The following NLGN1 variants were observed in gnomAD, a reference collection of about 807,000 sequenced individuals.
NLGN1 encodes the protein neuroligin-1.
Under a neutral mutation model 65.5 loss-of-function variants are expected in NLGN1, and 12 were observed. The observed-to-expected ratio is 0.18, with a 90% CI of 0.12 to 0.30. NLGN1 has a LOEUF of 0.30. Ranked by LOEUF, NLGN1 falls within the 10% of genes least tolerant of loss-of-function variation. The probability of loss-of-function intolerance (pLI) is 1.00; values close to 1 mark genes in which losing one functional copy is unlikely to be tolerated. For missense variants in NLGN1, 750 were observed against 1,007.1 expected, an observed-to-expected ratio of 0.74 and a Z score of 3.46; for synonymous variants, 350 against 359.5, an observed-to-expected ratio of 0.97 and a Z score of 0.30.
Position 173,475,342 on chromosome 3 carries a change from G to T in NLGN1, c.-321+40264G>T, listed in dbSNP as rs912939797. On this transcript the variant is annotated intron_variant, in intron 2 of 6. Transcript: ENST00000457714. ...TTCTGATTATCAAAATCCTTTAAAA[G>T]AAATAATAACTATATAGTCTCTCTG... Among the ~76,000 whole-genome samples, 6 of 151,972 alleles carry T rather than the reference G, an allele frequency of 3.9e-5. No individual in the cohort carries two copies. In the South Asian group the frequency reaches 6.2e-4, roughly 16 times the overall value.
intron 2 of NLGN1, among the ~76,000 whole-genome samples, chr3:173,465,246 A>G (rs1278473915): frequency 1.3e-5 from 2 of 152,206 alleles, no homozygotes; most frequent in Non-Finnish European, 2.9e-5. Context: ...TGTAGACAAG[A>G]GCCAACACTG....
At chr3:173,595,595 A>C (rs147857486) in intron 2 of NLGN1, among the ~76,000 whole-genome samples, 4,238 of 152,198 alleles carry the variant, frequency 0.028, 89 homozygotes, top group Middle Eastern at 0.041. Context: ...AGTTGCTTCC[A>C]CATTTTTGGG....
chr3:173,674,722 G>T (rs1762897072), intron 3 of NLGN1, among the ~76,000 whole-genome samples: 1 of 152,002 alleles, frequency 6.6e-6, no homozygotes, highest in Non-Finnish European at 1.5e-5. Context: ...AAAATTTTGA[G>T]TGGAGAGACA....
intron 4 of NLGN1, 73 bp downstream of exon 4, chr3:173,807,905 G>A: frequency 6.8e-7 from 1 of 1,473,016 alleles, no homozygotes; most frequent in Non-Finnish European, 9.5e-7. Context: ...GACTTGTTTT[G>A]TTCTGCTTTG....
intron 2 of NLGN1, among the ~76,000 whole-genome samples, chr3:173,454,247 G>A (rs1722132624): frequency 6.6e-6 from 1 of 152,136 alleles, no homozygotes; most frequent in Non-Finnish European, 1.5e-5. Flanking sequence ...ATAGAGCATG[G>A]GCAAGTAGAT....
intron 4 of NLGN1, among the ~76,000 whole-genome samples, chr3:174,079,202 A>T (rs770690848): frequency 9.9e-5 from 15 of 152,100 alleles, no homozygotes; most frequent in Non-Finnish European, 2.2e-4. Context: ...GAAAAAAAAA[A>T]CTTTCCCATT....
chr3:173,494,467 A>C (rs1729691770), intron 2 of NLGN1, among the ~76,000 whole-genome samples: 1 of 151,640 alleles, frequency 6.6e-6, no homozygotes, highest in African/African-American at 2.4e-5. Context: ...TATTTTTATA[A>C]ATAGCATCTC....
chr3:174,280,537 G>A lies in NLGN1; in HGVS notation c.1706G>A (p.Arg569His), dbSNP rs769241191. 4.0e-5 allele frequency: 64 copies of A among 1,612,794 alleles called. No homozygotes were observed. The highest frequency in any genetic ancestry group is 1.6e-4 in the East Asian group (7 of 44,814). ...AAATTCATTCATACCAAACCCAACC[G>A]TTTTGAAGAAGTAGCATGGACCAGA... Residue 569 changes from arginine to histidine, a missense_variant, in exon 7 of 7, where the codon CGT becomes CAT. Coordinates refer to ENST00000457714, the Ensembl canonical transcript of NLGN1. The surrounding 1 kb of genome is among the most constrained non-coding windows in gnomAD (Gnocchi z 4.9).
chr3:173,854,291 A>G (rs909957339), intron 4 of NLGN1, among the ~76,000 whole-genome samples: 1 of 152,016 alleles, frequency 6.6e-6, no homozygotes, highest in Non-Finnish European at 1.5e-5. Flanking sequence ...TTGTTGTCCT[A>G]TTGCTACTCT....
intron 3 of NLGN1, among the ~76,000 whole-genome samples, chr3:173,671,970 C>T (rs540888059): frequency 3.3e-5 from 5 of 151,562 alleles, no homozygotes; most frequent in South Asian, 2.1e-4. Context: ...GTCAGGAGAT[C>T]GAGACCATCC....
intron 3 of NLGN1, among the ~76,000 whole-genome samples, chr3:173,627,247 C>T (rs1183092982): frequency 2.0e-5 from 3 of 152,104 alleles, no homozygotes; most frequent in Non-Finnish European, 4.4e-5. Flanking sequence ...CCATTTGACT[C>T]TGTGCTTTAC....
At chr3:174,115,889 C>A (rs1211410184) in intron 4 of NLGN1, among the ~76,000 whole-genome samples, 1 of 152,172 alleles carries the variant, frequency 6.6e-6, no homozygotes, top group Non-Finnish European at 1.5e-5. Flanking sequence ...GTGGTCACCT[C>A]AAGCACTAAG....
chr3:173,431,864 G>A (rs73883134), intron 1 of NLGN1, among the ~76,000 whole-genome samples: 1 of 152,012 alleles, frequency 6.6e-6, no homozygotes, highest in Non-Finnish European at 1.5e-5. Context: ...ATCCTCTAGG[G>A]CTCTATGGTC....
At chr3:173,719,886 G>A (rs544473636) in intron 3 of NLGN1, among the ~76,000 whole-genome samples, 6 of 152,212 alleles carry the variant, frequency 3.9e-5, no homozygotes, top group African/African-American at 1.4e-4. Context: ...AGCCAGAGGT[G>A]GAAGGATTGC....
intron 3 of NLGN1, among the ~76,000 whole-genome samples, chr3:173,691,855 GA>G (rs1426549962): frequency 6.6e-6 from 1 of 151,520 alleles, no homozygotes; most frequent in African/African-American, 2.4e-5. Flanking sequence ...AAGATTTTTG[GA>G]AAAAAAATAT....
At chr3:173,957,962 C>A (rs558274793) in intron 4 of NLGN1, among the ~76,000 whole-genome samples, 2 of 152,298 alleles carry the variant, frequency 1.3e-5, no homozygotes, top group South Asian at 4.1e-4. Context: ...CCAGCCACTG[C>A]ACACAGCCAG....
intron 3 of NLGN1, among the ~76,000 whole-genome samples, chr3:173,650,297 T>A (rs1271781876): frequency 1.3e-5 from 2 of 152,168 alleles, no homozygotes; most frequent in Non-Finnish European, 2.9e-5. Flanking sequence ...TTCCAAATGA[T>A]GGCACAATGA....
rs1366306439 is a variant in NLGN1, at chr3:174,279,408, T to C, written c.1407T>C (p.Ala469=). The change falls in exon 6 of 7, where the codon GCT becomes GCC. Residue 469 remains alanine, a synonymous_variant. Coordinates refer to ENST00000457714, the Ensembl canonical transcript of NLGN1. This position sits in a 1 kb window ranked among gnomAD's most constrained non-coding sequence, Gnocchi z 4.7. ...CGGACCATCAGTGGGTGGCACCAGC[T>C]GTAGCCACAGCGGATCTTCACTCAA... 1 of 1,613,334 alleles carries C rather than the reference T, an allele frequency of 6.2e-7. No individual in the cohort carries two copies. The highest frequency in any genetic ancestry group is 1.7e-5 in the Admixed American group (1 of 59,910).
At chr3:173,846,411 A>G (rs1304726737) in intron 4 of NLGN1, among the ~76,000 whole-genome samples, 1 of 152,190 alleles carries the variant, frequency 6.6e-6, no homozygotes, top group African/African-American at 2.4e-5. Context: ...CATGTGGGGT[A>G]CAATGGAAGT....
Sources: gnomAD v4.1 joint callset for allele counts (sites outside exome capture counted in the v4.1 genomes callset) on GRCh38, gnomAD v4.1.1 for gene constraint, Gnocchi (gnomAD v3.1) non-coding constraint, MANE v1.5 for transcripts, NCBI Gene and HGNC (gene_info 2026-07-23, HGNC 2026-07-21) for gene names.